Variants in SEMA3D observed in about 807,000 individuals in gnomAD.
SEMA3D encodes semaphorin-3D.
Under a neutral mutation model 100.1 loss-of-function variants are expected in SEMA3D, and 84 were observed. The ratio of observed to expected loss-of-function variants is 0.84; its 90% confidence interval spans 0.70 to 1.01. The LOEUF (loss-of-function observed/expected upper bound fraction) is 1.01. Among genes scored for constraint, SEMA3D ranks in the 50% least tolerant of loss-of-function variants. SEMA3D has a pLI of 0.00. For missense variants in SEMA3D, 875 were observed against 934.1 expected (o/e 0.94, Z 0.82); for synonymous variants, 312 against 320.7 (o/e 0.97, Z 0.29).
At chr7:85,131,205 CAG>C (rs1562829850) in intron 2 of SEMA3D, among the ~76,000 whole-genome samples, 3 of 152,102 alleles carry the variant, frequency 2.0e-5, no homozygotes, top group East Asian at 1.9e-4. Flanking sequence ...GCCTGTAAAG[CAG>C]AGTTTTCAGG....
intron 2 of SEMA3D, among the ~76,000 whole-genome samples, chr7:85,150,181 T>C (rs1431611956): frequency 1.3e-5 from 2 of 151,504 alleles, no homozygotes; most frequent in Non-Finnish European, 2.9e-5. Context: ...ATTTATGTTG[T>C]CAGGACATAA....
the SEMA3D span, among the ~76,000 whole-genome samples, chr7:85,236,864 A>T: frequency 6.6e-6 from 1 of 152,206 alleles, no homozygotes; most frequent in East Asian, 1.9e-4. Flanking sequence ...AGGATGCTAG[A>T]GCTAAAGAAT....
chr7:85,206,388 T>C, the SEMA3D span, among the ~76,000 whole-genome samples: 1 of 152,042 alleles, frequency 6.6e-6, no homozygotes, highest in East Asian at 1.9e-4. Context: ...AGGGGGGAAA[T>C]AGACAATTTT....
At chr7:85,162,092 T>A (rs4728571) in intron 1 of SEMA3D, among the ~76,000 whole-genome samples, 66,771 of 151,644 alleles carry the variant, frequency 0.44, 15,751 homozygotes, top group East Asian at 0.69. Flanking sequence ...TTTTTTTTTT[T>A]AATCTCATCT....
chr7:85,125,413 T>C (rs984080030), intron 2 of SEMA3D, among the ~76,000 whole-genome samples: 1 of 152,090 alleles, frequency 6.6e-6, no homozygotes, highest in African/African-American at 2.4e-5. Context: ...AGAAGATTGA[T>C]GTTTTGGTTT....
chr7:85,008,900 C>T (rs925065935), intron 17 of SEMA3D, among the ~76,000 whole-genome samples: 1 of 151,654 alleles, frequency 6.6e-6, no homozygotes, highest in African/African-American at 2.4e-5. Context: ...TACCTGAAGG[C>T]TATGCGTATA....
intron 1 of SEMA3D, among the ~76,000 whole-genome samples, chr7:85,157,854 T>C (rs1347550977): frequency 6.6e-6 from 1 of 152,134 alleles, no homozygotes; most frequent in Non-Finnish European, 1.5e-5. Flanking sequence ...CAGAAGAACA[T>C]AAATTGTGAA....
intron 1 of SEMA3D, among the ~76,000 whole-genome samples, chr7:85,163,470 G>A (rs1790803928): frequency 6.6e-6 from 1 of 151,648 alleles, no homozygotes; most frequent in Non-Finnish European, 1.5e-5. Context: ...GAAAAAAAAA[G>A]GCTATAAAAA....
At chr7:85,145,019 T>G (rs1451567840) in intron 2 of SEMA3D, among the ~76,000 whole-genome samples, 1 of 152,058 alleles carries the variant, frequency 6.6e-6, no homozygotes, top group Non-Finnish European at 1.5e-5. Context: ...GGAGGAAAAA[T>G]AAAATACTTG....
At chr7:85,085,839 C>G (rs1788198055) in intron 4 of SEMA3D, among the ~76,000 whole-genome samples, 1 of 152,136 alleles carries the variant, frequency 6.6e-6, no homozygotes, top group South Asian at 2.1e-4. Context: ...CATATATTCT[C>G]TTTGTAAAGG....
At chr7:85,183,323 A>G (rs1285549145) in intron 1 of SEMA3D, among the ~76,000 whole-genome samples, 1 of 152,222 alleles carries the variant, frequency 6.6e-6, no homozygotes. Flanking sequence ...GAATAACTGG[A>G]GACTATGAAA....
intron 1 of SEMA3D, chr7:85,159,842 A>G: frequency 1.0e-6 from 1 of 984,940 alleles, no homozygotes; most frequent in Non-Finnish European, 1.2e-6. Context: ...TGTCCTGCAG[A>G]TAGTAGGATT....
chr7:85,011,640 T>C (rs1789956222), intron 17 of SEMA3D, among the ~76,000 whole-genome samples: 1 of 151,824 alleles, frequency 6.6e-6, no homozygotes, highest in Non-Finnish European at 1.5e-5. Context: ...TCATCCCCGA[T>C]AAATTTCATA....
intron 1 of SEMA3D, among the ~76,000 whole-genome samples, chr7:85,160,608 C>G (rs1002040340): frequency 6.6e-6 from 1 of 152,064 alleles, no homozygotes; most frequent in South Asian, 2.1e-4. Flanking sequence ...CATAGCAGCA[C>G]AGGAGGTAAT....
chr7:85,209,327 C>T, the SEMA3D span, among the ~76,000 whole-genome samples: 24 of 151,834 alleles, frequency 1.6e-4, no homozygotes, highest in African/African-American at 2.9e-4. Flanking sequence ...TATACACACA[C>T]GTACAACCGG....
At chr7:85,096,049 T>C (rs551048805) in intron 4 of SEMA3D, among the ~76,000 whole-genome samples, 103 of 152,122 alleles carry the variant, frequency 6.8e-4, no homozygotes, top group African/African-American at 2.5e-3. Flanking sequence ...AAAGTATGAA[T>C]TGCTTTTTGC....
At chr7:85,231,478 C>A in the SEMA3D span, among the ~76,000 whole-genome samples, 1 of 105,288 alleles carries the variant, frequency 9.5e-6, no homozygotes, top group East Asian at 4.1e-4. Flanking sequence ...GACGGAGTCT[C>A]GCTCTGTCAC....
chr7:85,166,152 A>G (rs1790898709), intron 1 of SEMA3D, among the ~76,000 whole-genome samples: 1 of 151,940 alleles, frequency 6.6e-6, no homozygotes, highest in South Asian at 2.1e-4. Context: ...ATACCTACAC[A>G]CATATACACA....
At chr7:85,073,816 G>GTTT (rs1169388029) in intron 5 of SEMA3D, among the ~76,000 whole-genome samples, 2 of 152,034 alleles carry the variant, frequency 1.3e-5, no homozygotes, top group Non-Finnish European at 2.9e-5. Context: ...CATAATCTCT[G>GTTT]TTTTTTCTCA....
Sources: gnomAD v4.1 joint callset for allele counts (sites outside exome capture counted in the v4.1 genomes callset) on GRCh38, gnomAD v4.1.1 for gene constraint, MANE v1.5 for transcripts, NCBI Gene and HGNC (gene_info 2026-07-23, HGNC 2026-07-21) for gene names.